RPS6KA2: variants seen among roughly 807,000 people sequenced by gnomAD.
RPS6KA2 encodes the protein ribosomal protein S6 kinase alpha-2.
Under a neutral mutation model 91.8 loss-of-function variants are expected in RPS6KA2, and 42 were observed. The ratio of observed to expected loss-of-function variants is 0.46; its 90% confidence interval spans 0.36 to 0.59. The LOEUF (loss-of-function observed/expected upper bound fraction) is 0.59. Among genes scored for constraint, RPS6KA2 ranks in the 20% least tolerant of loss-of-function variants. The probability of loss-of-function intolerance (pLI) is 0.00; values close to 1 mark genes in which losing one functional copy is unlikely to be tolerated. For synonymous variants in RPS6KA2, 414 were observed against 393.6 expected, an observed-to-expected ratio of 1.05 and a Z score of -0.61; for missense variants, 798 against 978.5, an observed-to-expected ratio of 0.82 and a Z score of 2.46.
intron 1 of RPS6KA2, among the ~76,000 whole-genome samples, chr6:166,593,000 C>G (rs1785406732): frequency 1.3e-5 from 2 of 152,286 alleles, no homozygotes; most frequent in East Asian, 1.9e-4. Flanking sequence ...ACGTGTTAGT[C>G]ACTCAAGACC....
At chr6:166,774,906 CTGAGCTGTCCTTTATTTTGGA>C (rs57059000) in intron 2 of RPS6KA2, among the ~76,000 whole-genome samples, 6,413 of 150,534 alleles carry the variant, frequency 0.043, 461 homozygotes, top group African/African-American at 0.15. Context: ...TTCAATAGCT[CTGAGCTGTCCTTTATTTTGGA>C]TGAGCCCCGT....
chr6:166,676,867 T>C (rs753092319), intron 2 of RPS6KA2, among the ~76,000 whole-genome samples: 9 of 152,224 alleles, frequency 5.9e-5, no homozygotes, highest in Admixed American at 3.3e-4. Flanking sequence ...TGATTATGAA[T>C]TGAATTTTTT....
chr6:166,691,919 G>C (rs375045431), intron 2 of RPS6KA2, among the ~76,000 whole-genome samples: 1 of 152,178 alleles, frequency 6.6e-6, no homozygotes, highest in Non-Finnish European at 1.5e-5. Flanking sequence ...CAAGAAGCAC[G>C]TGAGGCCGGG....
chr6:166,551,549 T>C (rs1784023791), intron 1 of RPS6KA2, among the ~76,000 whole-genome samples: 1 of 152,224 alleles, frequency 6.6e-6, no homozygotes, highest in Admixed American at 6.5e-5. Flanking sequence ...GATCATCATT[T>C]AGCAGTTTCC....
chr6:166,507,712 C>G (rs957604420), intron 5 of RPS6KA2, among the ~76,000 whole-genome samples: 3 of 149,428 alleles, frequency 2.0e-5, no homozygotes, highest in Non-Finnish European at 4.5e-5. Context: ...AGCACACACA[C>G]CATCACACAC....
intron 3 of RPS6KA2, among the ~76,000 whole-genome samples, chr6:166,513,687 A>T (rs1266099092): frequency 6.6e-6 from 1 of 152,122 alleles, no homozygotes; most frequent in African/African-American, 2.4e-5. Context: ...GCTGGGGAGG[A>T]AAAGGGGGAA....
At chr6:166,516,055 A>G (rs1782633328) in intron 3 of RPS6KA2, among the ~76,000 whole-genome samples, 1 of 152,212 alleles carries the variant, frequency 6.6e-6, no homozygotes, top group Admixed American at 6.5e-5. Flanking sequence ...CCTAGAATGT[A>G]CAAAACCAAA....
chr6:166,522,332 G>T (rs1782886385), intron 3 of RPS6KA2, among the ~76,000 whole-genome samples: 1 of 152,232 alleles, frequency 6.6e-6, no homozygotes, highest in South Asian at 2.1e-4. Flanking sequence ...CTGTGTTGGG[G>T]ACGTAGTGGA....
chr6:166,411,886 A>C lies in RPS6KA2; in HGVS notation c.*876T>G, dbSNP rs1365762474. 2 of 152,314 alleles carry C rather than the reference A, an allele frequency of 1.3e-5. No homozygotes were observed. Among genetic ancestry groups the C allele is most frequent in the Non-Finnish European group, 2.9e-5 (2 of 68,114 alleles). 9.4% of individuals were successfully genotyped at this position (152,314 alleles called of 1,614,324 possible). A position where few individuals can be genotyped will look rare whatever the true frequency, so the allele number is the denominator to read the frequency against. ...AAACCACAGCTTTAGGTGAGCACAC[A>C]GGAAGCCGACACAGGGCTGAGCAGG... is the stretch of plus-strand genomic sequence containing the variant. On this transcript the variant is annotated 3_prime_UTR_variant, in exon 21 of 21. Coordinates refer to ENST00000265678, the MANE Select transcript of RPS6KA2 (RefSeq NM_021135.6). This position sits in a 1 kb window ranked among gnomAD's most constrained non-coding sequence, Gnocchi z 4.5.
chr6:166,592,717 T>C (rs1785395156), intron 1 of RPS6KA2, among the ~76,000 whole-genome samples: 1 of 152,072 alleles, frequency 6.6e-6, no homozygotes, highest in Admixed American at 6.6e-5. Flanking sequence ...AGAGCACTCC[T>C]ACCTGCCCAC....
intron 2 of RPS6KA2, among the ~76,000 whole-genome samples, chr6:166,794,941 T>C (rs1456389420): frequency 1.3e-5 from 2 of 151,830 alleles, no homozygotes; most frequent in Non-Finnish European, 2.9e-5. Flanking sequence ...ATGGCACATG[T>C]ATACATATGT....
At chr6:166,680,645 A>G (rs748286971) in intron 2 of RPS6KA2, among the ~76,000 whole-genome samples, 15 of 152,042 alleles carry the variant, frequency 9.9e-5, no homozygotes, top group Non-Finnish European at 2.1e-4. Context: ...GAACTGTAAC[A>G]CTCACTGTGA....
chr6:166,753,869 C>T (rs777965633), intron 2 of RPS6KA2, among the ~76,000 whole-genome samples: 77 of 152,094 alleles, frequency 5.1e-4, no homozygotes, highest in Non-Finnish European at 9.0e-4. Flanking sequence ...AAGAAGATGC[C>T]CACTTTCCCG....
chr6:166,517,514 G>A (rs1782698564), intron 3 of RPS6KA2, among the ~76,000 whole-genome samples: 1 of 137,124 alleles, frequency 7.3e-6, no homozygotes, highest in African/African-American at 3.0e-5. Flanking sequence ...TGTCGCCCAG[G>A]CCGGACTGCG....
intron 11 of RPS6KA2, among the ~76,000 whole-genome samples, chr6:166,460,135 T>C (rs1412620133): frequency 6.6e-6 from 1 of 152,248 alleles, no homozygotes; most frequent in Admixed American, 6.5e-5. Flanking sequence ...GGTGTCAGAA[T>C]GAGGGCGCCC....
rs371289240 is a variant in RPS6KA2, at chr6:166,648,228, GCA to G, written c.124-109446_124-109445del. On this transcript the variant is annotated intron_variant, in intron 2 of 21. Transcript: ENST00000503859. This position sits in a 1 kb window ranked among gnomAD's most constrained non-coding sequence, Gnocchi z 4.8. ...CACTCATGCACACACACGCACATGC[GCA>G]CACACACACATTCACACAGGCACAC... Among the ~76,000 whole-genome samples the G allele has an allele frequency of 4.7e-3, 691 of 147,090 alleles. 1 individual carries two copies. Among genetic ancestry groups the G allele is most frequent in the African/African-American group, 0.013 (504 of 39,852 alleles).
chr6:166,465,767 G>A (rs540021805), intron 11 of RPS6KA2, among the ~76,000 whole-genome samples: 1 of 152,352 alleles, frequency 6.6e-6, no homozygotes, highest in African/African-American at 2.4e-5. Flanking sequence ...TTATGGGACA[G>A]CAGACTCCTC....
chr6:166,602,817 G>A (rs897486644), intron 1 of RPS6KA2, among the ~76,000 whole-genome samples: 1 of 152,196 alleles, frequency 6.6e-6, no homozygotes, highest in Non-Finnish European at 1.5e-5. Flanking sequence ...TTCTTAAGCT[G>A]AATTTATGGG....
chr6:166,755,249 C>G (rs1562420952), intron 2 of RPS6KA2, among the ~76,000 whole-genome samples: 2 of 152,106 alleles, frequency 1.3e-5, no homozygotes, highest in Non-Finnish European at 2.9e-5. Flanking sequence ...TGTGGATTCC[C>G]AGTAGGAGTG....
Sources: gnomAD v4.1 joint callset for allele counts (sites outside exome capture counted in the v4.1 genomes callset) on GRCh38, gnomAD v4.1.1 for gene constraint, Gnocchi (gnomAD v3.1) non-coding constraint, MANE v1.5 for transcripts, NCBI Gene and HGNC (gene_info 2026-07-23, HGNC 2026-07-21) for gene names.